The following TCF25 variants were observed in gnomAD, a reference collection of about 807,000 sequenced individuals.
The protein encoded by TCF25 is ribosome quality control complex subunit TCF25.
In TCF25, 41 loss-of-function variants were observed where a neutral mutation model predicts 83.1. The ratio of observed to expected loss-of-function variants is 0.49; its 90% CI spans 0.38 to 0.64. TCF25 has a LOEUF of 0.64. Ranked by LOEUF, TCF25 falls within the 30% of genes least tolerant of loss-of-function variation. The pLI is 0.00. For missense variants in TCF25, 979 were observed against 914.5 expected, an observed-to-expected ratio of 1.07 and a Z score of -0.91; for synonymous variants, 458 against 365.0, an observed-to-expected ratio of 1.25 and a Z score of -2.90.
intron 3 of TCF25, among the ~76,000 whole-genome samples, chr16:89,885,556 A>G (rs1012498993): frequency 2.6e-5 from 4 of 152,206 alleles, no homozygotes; most frequent in African/African-American, 9.6e-5. Flanking sequence ...AGTTGGAGCC[A>G]CAAGTCCCAA....
At position 89,873,757 on chromosome 16, in the gene TCF25, T is replaced by G; in HGVS notation, c.90T>G (p.Asp30Glu). 1 of 1,611,442 alleles carries G rather than the reference T, an allele frequency of 6.2e-7. No individual in the cohort carries two copies. Among genetic ancestry groups the G allele is most frequent in the South Asian group, 1.1e-5 (1 of 90,898 alleles). The stretch of plus-strand genomic sequence containing the variant: ...GCGCCTTGCATTTCGATCTCCGTGA[T>G]GACGATGACGCGGAAGAAGAAGGGC... ...GPGALHFDLRDDDDAEEEGPK... is the reference protein window; with the variant it reads ...GPGALHFDLREDDDAEEEGPK... Residue 30 changes from aspartate (D) to glutamate (E), a missense_variant, in exon 1 of 18, where the codon GAT becomes GAG. Asp to Glu is a conservative substitution (Grantham distance 45). Coordinates refer to ENST00000263346, the MANE Select transcript of TCF25 (RefSeq NM_014972.3).
chr16:89,878,587 C>A, intron 1 of TCF25: 1 of 1,164,262 alleles, frequency 8.6e-7, no homozygotes, highest in Non-Finnish European at 1.1e-6. Flanking sequence ...GAAATGTTCC[C>A]CATTTGAGAC....
At chr16:89,884,900 G>A (rs1466454201) in intron 3 of TCF25, among the ~76,000 whole-genome samples, 1 of 62,628 alleles carries the variant, frequency 1.6e-5, no homozygotes, top group Admixed American at 1.8e-4. Context: ...TCTGCCTGAC[G>A]CCCCTCTCCC....
intron 4 of TCF25, 125 bp from the exon 5 acceptor site, chr16:89,887,527 T>C (rs1230362157): frequency 6.3e-5 from 53 of 837,370 alleles, no homozygotes; most frequent in Non-Finnish European, 9.2e-5. Context: ...GAGAAAGGCC[T>C]GGAAGCTGCC....
intron 12 of TCF25, among the ~76,000 whole-genome samples, chr16:89,903,358 G>A (rs2044504138): frequency 6.6e-6 from 1 of 152,220 alleles, no homozygotes; most frequent in Non-Finnish European, 1.5e-5. Context: ...CCTGCCATGG[G>A]GTCCAGTCTT....
At chr16:89,894,894 C>T in intron 7 of TCF25, 144 bp from the exon 8 acceptor site, 1 of 597,124 alleles carries the variant, frequency 1.7e-6, no homozygotes, top group Middle Eastern at 4.8e-4. Context: ...ATCCTCCTGC[C>T]TCAGCCTCCC....
chr16:89,894,034 A>G, intron 7 of TCF25, 176 bp downstream of exon 7: 2 of 898,432 alleles, frequency 2.2e-6, no homozygotes, highest in Non-Finnish European at 3.3e-6. Flanking sequence ...ATGTGTTCGG[A>G]GGCTCTAGGC....
chr16:89,890,427 G>A (rs541975384), intron 5 of TCF25: 27 of 152,346 alleles, frequency 1.8e-4, no homozygotes, highest in African/African-American at 6.5e-4. Flanking sequence ...CTTACTCGTA[G>A]TCGACGGTAG....
At position 89,904,199 on chromosome 16, in the gene TCF25, A is replaced by C; in HGVS notation, c.1463A>C (p.Glu488Ala). 1.9e-6 allele frequency: 3 copies of C among 1,570,924 alleles called. No homozygotes were observed. Among genetic ancestry groups the C allele is most frequent in the Non-Finnish European group, 2.6e-6 (3 of 1,157,424 alleles). The part of the protein sequence containing the change: ...SSHRFFGPNA[E>A]ISQPPALSQL... ...CACCGCTTCTTTGGACCCAATGCTG[A>C]AATAAGGTAAAGAGTGGCTGGTGGT... Residue 488 changes from glutamate (E) to alanine (A), a missense_variant, in exon 13 of 18, where the codon GAA becomes GCA. Transcript: ENST00000263346.
chr16:89,874,095 G>T (rs1259417474), intron 1 of TCF25, among the ~76,000 whole-genome samples: 14 of 151,254 alleles, frequency 9.3e-5, no homozygotes, highest in South Asian at 2.1e-4. Flanking sequence ...TAACCCCGGT[G>T]AGGTGGGCGG....
intron 1 of TCF25, chr16:89,878,434 A>ATT (rs34120033): frequency 0.016 from 15,600 of 997,822 alleles, 32 homozygotes; most frequent in African/African-American, 0.034. Flanking sequence ...AAAAATCACC[A>ATT]TTTTTTTTTT....
At chr16:89,880,929 C>T (rs1286235934) in intron 1 of TCF25, among the ~76,000 whole-genome samples, 1 of 152,228 alleles carries the variant, frequency 6.6e-6, no homozygotes, top group Non-Finnish European at 1.5e-5. Context: ...CAGCAAAGGC[C>T]AGGCAGAAGG....
intron 15 of TCF25, among the ~76,000 whole-genome samples, chr16:89,906,635 C>T (rs2044809684): frequency 1.3e-5 from 2 of 152,128 alleles, no homozygotes; most frequent in African/African-American, 2.4e-5. Flanking sequence ...CTGGAGGTGC[C>T]GTTTCTGTCT....
intron 1 of TCF25, among the ~76,000 whole-genome samples, chr16:89,879,418 CAG>C (rs1242068626): frequency 4.3e-5 from 6 of 138,178 alleles, no homozygotes; most frequent in Non-Finnish European, 1.5e-5. Flanking sequence ...TCCGTGTACA[CAG>C]ATGGGCTTCG....
chr16:89,905,987 T>G (rs2044743693), intron 14 of TCF25, among the ~76,000 whole-genome samples: 1 of 151,948 alleles, frequency 6.6e-6, no homozygotes, highest in African/African-American at 2.4e-5. Flanking sequence ...GCCATGTGGC[T>G]GGGATTGGTC....
intron 12 of TCF25, 86 bp from the exon 13 acceptor site, chr16:89,904,032 C>A: frequency 7.4e-7 from 1 of 1,350,712 alleles, no homozygotes; most frequent in Non-Finnish European, 1.0e-6. Flanking sequence ...TGACAAGGAC[C>A]TCGCTGTGTC....
intron 13 of TCF25, chr16:89,904,591 A>G: frequency 2.1e-6 from 1 of 486,490 alleles, no homozygotes; most frequent in Non-Finnish European, 3.8e-6. Flanking sequence ...AAACAAAATA[A>G]ACAAAGAGGG....
chr16:89,895,293 T>G (rs1385388383), intron 8 of TCF25, among the ~76,000 whole-genome samples, 156 bp downstream of exon 8: 1 of 152,100 alleles, frequency 6.6e-6, no homozygotes, highest in Non-Finnish European at 1.5e-5. Flanking sequence ...CCATTTAAAG[T>G]TTTTGTTTGT....
rs751644428 is a variant in TCF25, at chr16:89,893,878, CCT to C, written c.828+21_828+22del. ...ATCGTGGTGCGTGGTCCCTGCAGCC[CCT>C]GACAGGAGCAGGGGCCATGTAGCCA... On this transcript the variant is annotated intron_variant, in intron 7 of 17. Transcript: ENST00000263346. The C allele has an allele frequency of 6.9e-6, 11 of 1,589,094 alleles. No homozygotes were observed. The South Asian group carries it at 1.3e-4, about 18-fold the overall frequency.
Sources: allele counts gnomAD v4.1 joint callset (sites outside exome capture counted in the v4.1 genomes callset), GRCh38; gene constraint gnomAD v4.1.1; transcripts MANE v1.5; gene names NCBI Gene and HGNC (gene_info 2026-07-23, HGNC 2026-07-21).